The following FHIT variants were observed in gnomAD, a reference collection of about 807,000 sequenced individuals.
FHIT encodes the protein bis(5'-adenosyl)-triphosphatase.
A neutral mutation model predicts 17.9 loss-of-function variants in FHIT; 19 were observed. That is an observed-to-expected ratio of 1.06 (90% CI 0.74 to 1.56). The LOEUF is 1.56. Among genes scored for constraint, FHIT ranks in the 40% most tolerant of loss-of-function variants. The pLI is 0.00. For synonymous variants in FHIT, 81 were observed against 69.7 expected, an observed-to-expected ratio of 1.16 and a Z score of -0.81; for missense variants, 248 against 189.2, an observed-to-expected ratio of 1.31 and a Z score of -1.82.
chr3:61,038,552 T>G (rs1010826444), intron 3 of FHIT, among the ~76,000 whole-genome samples: 5 of 152,224 alleles, frequency 3.3e-5, no homozygotes, highest in African/African-American at 9.6e-5. Context: ...AGTTTCAATG[T>G]GGAGCTGGAT....
intron 4 of FHIT, among the ~76,000 whole-genome samples, chr3:60,607,885 A>G (rs782797024): frequency 2.6e-5 from 4 of 152,176 alleles, no homozygotes; most frequent in Non-Finnish European, 4.4e-5. Context: ...AGGGGAAATA[A>G]AAAGGATGAA....
At chr3:60,701,627 T>A (rs1423221654) in intron 4 of FHIT, among the ~76,000 whole-genome samples, 1 of 151,960 alleles carries the variant, frequency 6.6e-6, no homozygotes, top group Non-Finnish European at 1.5e-5. Flanking sequence ...ATCTATGGAG[T>A]GTAGGGTCTA....
intron 4 of FHIT, among the ~76,000 whole-genome samples, chr3:60,815,477 C>G (rs1701708816): frequency 6.6e-6 from 1 of 152,092 alleles, no homozygotes; most frequent in South Asian, 2.1e-4. Flanking sequence ...ATCCCAGCGC[C>G]ATTTATTAAA....
chr3:60,315,944 G>A lies in FHIT; in HGVS notation c.103+220916C>T, dbSNP rs114385645. On this transcript the variant is annotated intron_variant, in intron 5 of 9. Coordinates refer to ENST00000492590, the MANE Select transcript of FHIT (RefSeq NM_002012.4). ...CTCCCCTATAACTAGCAAATATTGA[G>A]GCAAAATCATGCTGCATTAAATTAA... 5.1e-3 allele frequency among the ~76,000 whole-genome samples: 775 copies of A among 152,130 alleles called. 5 individuals carry two copies. The highest frequency in any genetic ancestry group is 0.017 in the African/African-American group (716 of 41,492).
intron 4 of FHIT, among the ~76,000 whole-genome samples, chr3:60,787,519 A>G (rs1700623921): frequency 6.6e-6 from 1 of 152,222 alleles, no homozygotes; most frequent in South Asian, 2.1e-4. Context: ...TATGCAAGCA[A>G]GCTCCATGAA....
At chr3:60,912,838 A>G (rs1706815267) in intron 3 of FHIT, 1 of 504,596 alleles carries the variant, frequency 2.0e-6, no homozygotes. Flanking sequence ...AAAGCTATAT[A>G]AGGTCACATT....
chr3:60,902,129 T>C (rs752858654), intron 3 of FHIT, among the ~76,000 whole-genome samples: 22 of 152,222 alleles, frequency 1.4e-4, no homozygotes, highest in Non-Finnish European at 2.4e-4. Context: ...AGAACATTTC[T>C]ATCATCCCAA....
intron 5 of FHIT, among the ~76,000 whole-genome samples, chr3:60,526,137 TACACACACACAC>T (rs59137290): frequency 5.4e-5 from 8 of 148,160 alleles, no homozygotes; most frequent in African/African-American, 1.7e-4. Context: ...ACACAACACA[TACACACACACAC>T]ACACACACAC....
intron 4 of FHIT, among the ~76,000 whole-genome samples, chr3:60,814,282 G>C (rs1346984913): frequency 6.6e-6 from 1 of 152,038 alleles, no homozygotes; most frequent in African/African-American, 2.4e-5. Flanking sequence ...GCTGAGGTTT[G>C]GGATATGAAT....
chr3:61,105,707 C>T (rs2035969973), intron 2 of FHIT, among the ~76,000 whole-genome samples: 1 of 152,164 alleles, frequency 6.6e-6, no homozygotes, highest in South Asian at 2.1e-4. Context: ...TTTTTAGATT[C>T]TCCTTTCTTC....
chr3:60,423,406 G>A (rs186203810), intron 5 of FHIT, among the ~76,000 whole-genome samples: 15 of 152,166 alleles, frequency 9.9e-5, no homozygotes, highest in East Asian at 3.9e-4. Context: ...AAAACAGAGC[G>A]TGAGAAACAG....
chr3:59,874,606 A>T (rs874238), intron 8 of FHIT, among the ~76,000 whole-genome samples: 32 of 152,022 alleles, frequency 2.1e-4, no homozygotes, highest in Non-Finnish European at 3.4e-4. Context: ...GGGTTAGGAC[A>T]GTGGGCTTGG....
intron 4 of FHIT, among the ~76,000 whole-genome samples, chr3:60,636,682 C>T (rs1468461197): frequency 6.6e-6 from 1 of 152,170 alleles, no homozygotes; most frequent in Non-Finnish European, 1.5e-5. Flanking sequence ...ACCGCTCTCA[C>T]CTCTCCAGCG....
intron 8 of FHIT, among the ~76,000 whole-genome samples, chr3:59,893,718 T>C (rs1210556537): frequency 6.6e-6 from 1 of 152,208 alleles, no homozygotes; most frequent in Non-Finnish European, 1.5e-5. Flanking sequence ...GTTCAACCAT[T>C]TTCCCCCTTG....
At chr3:60,692,587 G>A (rs1167317433) in intron 4 of FHIT, among the ~76,000 whole-genome samples, 1 of 152,170 alleles carries the variant, frequency 6.6e-6, no homozygotes, top group Non-Finnish European at 1.5e-5. Flanking sequence ...CTTCTGGAAG[G>A]TAGGAAGGAC....
At chr3:60,224,484 C>T (rs578094048) in intron 5 of FHIT, among the ~76,000 whole-genome samples, 3 of 152,192 alleles carry the variant, frequency 2.0e-5, no homozygotes, top group East Asian at 3.9e-4. Flanking sequence ...AAGGAATCTT[C>T]GAAATGTTCC....
chr3:59,777,544 C>A (rs1344247971), intron 8 of FHIT, among the ~76,000 whole-genome samples: 1 of 152,130 alleles, frequency 6.6e-6, no homozygotes, highest in Admixed American at 6.5e-5. Context: ...AAGGCACATC[C>A]CAAAGGGCCT....
At chr3:60,134,695 C>G (rs183691395) in intron 5 of FHIT, among the ~76,000 whole-genome samples, 15 of 152,128 alleles carry the variant, frequency 9.9e-5, no homozygotes, top group African/African-American at 3.4e-4. Context: ...AGAGAGACAC[C>G]GACAAATGTA....
intron 5 of FHIT, among the ~76,000 whole-genome samples, chr3:60,258,198 C>T (rs1249865333): frequency 2.6e-5 from 4 of 152,044 alleles, no homozygotes; most frequent in African/African-American, 9.7e-5. Flanking sequence ...ATTTCCCTTC[C>T]TGGCAGGTGA....
Sources: gnomAD v4.1 joint callset for allele counts (sites outside exome capture counted in the v4.1 genomes callset) on GRCh38, gnomAD v4.1.1 for gene constraint, MANE v1.5 for transcripts, NCBI Gene and HGNC (gene_info 2026-07-23, HGNC 2026-07-21) for gene names.